Variants in IL34 observed in about 807,000 individuals in gnomAD.
IL34 encodes interleukin 34, also known as interleukin-34.
In IL34, 17 loss-of-function variants were observed where a neutral mutation model predicts 25.3. The observed-to-expected ratio is 0.67, with a 90% CI of 0.46 to 1.01. The LOEUF is 1.01. Ranked by LOEUF, IL34 falls within the 50% of genes least tolerant of loss-of-function variation. IL34 has a pLI of 0.00. For synonymous variants in IL34, 174 were observed against 140.9 expected (o/e 1.23, Z -1.66); for missense variants, 368 against 312.9 (o/e 1.18, Z -1.33).
At chr16:70,632,569 G>C (rs1027824790) in intron 1 of IL34, among the ~76,000 whole-genome samples, 2 of 152,194 alleles carry the variant, frequency 1.3e-5, no homozygotes, top group Non-Finnish European at 2.9e-5. Context: ...CTCCAAGGAA[G>C]GGAGTGCTCT....
intron 1 of IL34, among the ~76,000 whole-genome samples, chr16:70,581,966 G>A (rs1472925999): frequency 4.6e-5 from 7 of 152,120 alleles, no homozygotes; most frequent in Admixed American, 4.6e-4. Context: ...TTTTAGGGAT[G>A]TTGGAAGTCA....
intron 1 of IL34, among the ~76,000 whole-genome samples, chr16:70,587,760 CG>C (rs1403395797): frequency 2.6e-5 from 4 of 152,052 alleles, no homozygotes; most frequent in Middle Eastern, 3.2e-3. Context: ...AGAAAATAGC[CG>C]GGCGCAGCGG....
upstream of IL34, among the ~76,000 whole-genome samples, chr16:70,643,256 G>A (rs977751588): frequency 6.6e-6 from 1 of 152,100 alleles, no homozygotes; most frequent in Non-Finnish European, 1.5e-5. Context: ...TAGAGATAGG[G>A]TTTTGCCATA....
At chr16:70,621,526 G>A (rs1402245954) in intron 1 of IL34, among the ~76,000 whole-genome samples, 1 of 152,058 alleles carries the variant, frequency 6.6e-6, no homozygotes, top group Non-Finnish European at 1.5e-5. Context: ...GTCGTAGGTG[G>A]ATCTTTCTCA....
chr16:70,646,050 G>C (rs564906096), upstream of IL34, among the ~76,000 whole-genome samples: 3 of 151,916 alleles, frequency 2.0e-5, no homozygotes, highest in South Asian at 6.2e-4. Context: ...CTGAGACTCC[G>C]TCTCAAAAAA....
intron 1 of IL34, among the ~76,000 whole-genome samples, chr16:70,581,518 TC>T (rs1411356365): frequency 3.3e-5 from 5 of 151,990 alleles, no homozygotes; most frequent in Admixed American, 2.6e-4. Context: ...GAAGCTCAGC[TC>T]ACGGTATGTG....
At chr16:70,630,453 A>T (rs2051494126) in intron 1 of IL34, among the ~76,000 whole-genome samples, 1 of 151,658 alleles carries the variant, frequency 6.6e-6, no homozygotes, top group Admixed American at 6.6e-5. Flanking sequence ...GCTGGTCTCG[A>T]ATTCCTGACC....
chr16:70,610,938 C>T (rs577441977), intron 1 of IL34, among the ~76,000 whole-genome samples: 4 of 151,468 alleles, frequency 2.6e-5, no homozygotes, highest in African/African-American at 9.7e-5. Flanking sequence ...CCCCCCCTTC[C>T]ATCCTTTGTG....
At chr16:70,625,310 C>T (rs1400626850) in intron 1 of IL34, among the ~76,000 whole-genome samples, 1 of 151,382 alleles carries the variant, frequency 6.6e-6, no homozygotes, top group African/African-American at 2.4e-5. Flanking sequence ...TTCGGGGGTT[C>T]TTACCCTCCA....
chr16:70,644,936 AGAG>A (rs796861760), upstream of IL34, among the ~76,000 whole-genome samples: 16 of 43,786 alleles, frequency 3.7e-4, no homozygotes, highest in Non-Finnish European at 7.8e-4. Flanking sequence ...GGAAGGAGGA[AGAG>A]GAGGAAGGAG....
intron 1 of IL34, 57 bp downstream of exon 1, chr16:70,647,032 G>T: frequency 7.2e-7 from 1 of 1,390,882 alleles, no homozygotes; most frequent in Non-Finnish European, 9.4e-7. Context: ...CTAGATCCAG[G>T]ATCTGCCGTA....
intron 1 of IL34, among the ~76,000 whole-genome samples, chr16:70,628,971 G>T (rs920335880): frequency 4.0e-5 from 6 of 151,562 alleles, no homozygotes; most frequent in African/African-American, 1.5e-4. Context: ...TATTTTTAAT[G>T]TATAGACAGG....
chr16:70,634,970 G>A (rs974285895), intron 1 of IL34, among the ~76,000 whole-genome samples: 1 of 152,138 alleles, frequency 6.6e-6, no homozygotes. Context: ...CAGTTCATAC[G>A]TCCAGTCTTC....
intron 4 of IL34, among the ~76,000 whole-genome samples, chr16:70,658,975 G>A (rs2052307537): frequency 6.6e-6 from 1 of 152,158 alleles, no homozygotes; most frequent in Non-Finnish European, 1.5e-5. Flanking sequence ...ACAGCTTTTT[G>A]GGGGAGGAGA....
intron 1 of IL34, among the ~76,000 whole-genome samples, chr16:70,619,513 G>C (rs1436074423): frequency 6.6e-6 from 1 of 152,148 alleles, no homozygotes; most frequent in Admixed American, 6.5e-5. Context: ...ACCAGAGTTG[G>C]GGAGTTTTAA....
intron 1 of IL34, among the ~76,000 whole-genome samples, chr16:70,600,846 G>A (rs1345121776): frequency 7.0e-6 from 1 of 142,510 alleles, no homozygotes; most frequent in East Asian, 2.0e-4. Context: ...CAGGGGATGC[G>A]GGAGAAATGA....
intron 1 of IL34, among the ~76,000 whole-genome samples, chr16:70,587,089 G>C (rs1336059937): frequency 6.6e-6 from 1 of 152,156 alleles, no homozygotes; most frequent in Non-Finnish European, 1.5e-5. Flanking sequence ...CAGGGGCTGG[G>C]GTTAGTCTTG....
At chr16:70,625,967 A>G (rs1353824869) in intron 1 of IL34, among the ~76,000 whole-genome samples, 1 of 152,134 alleles carries the variant, frequency 6.6e-6, no homozygotes, top group Non-Finnish European at 1.5e-5. Flanking sequence ...AGGACAGGGG[A>G]TTGATCTCCC....
At chr16:70,623,822 T>G (rs559520357) in intron 1 of IL34, among the ~76,000 whole-genome samples, 1 of 149,794 alleles carries the variant, frequency 6.7e-6, no homozygotes, top group Non-Finnish European at 1.5e-5. Flanking sequence ...AAGAGTATCA[T>G]CTAAGTTGGC....
Sources: gnomAD v4.1 joint callset for allele counts (sites outside exome capture counted in the v4.1 genomes callset) on GRCh38, gnomAD v4.1.1 for gene constraint, MANE v1.5 for transcripts, NCBI Gene and HGNC (gene_info 2026-07-23, HGNC 2026-07-21) for gene names.